Variants in CADM4 observed in about 807,000 individuals in gnomAD.
The protein encoded by CADM4 is cell adhesion molecule 4.
Under a neutral mutation model 43.9 loss-of-function variants are expected in CADM4, and 13 were observed. The ratio of observed to expected loss-of-function variants is 0.30; its 90% CI spans 0.19 to 0.47. The LOEUF (loss-of-function observed/expected upper bound fraction) is 0.47. Among genes scored for constraint, CADM4 ranks in the 20% least tolerant of loss-of-function variants. The pLI, the probability that CADM4 is intolerant of heterozygous loss-of-function variation, is 1.00. For missense variants in CADM4, 420 were observed against 527.0 expected (o/e 0.80, Z 1.99); for synonymous variants, 209 against 220.9 (o/e 0.95, Z 0.48).
In CADM4 at chr19:43,626,715, C is replaced by G; in HGVS notation, c.499+69G>C. The G allele has an allele frequency of 6.7e-7, 1 of 1,486,666 alleles. No homozygotes were observed. Among genetic ancestry groups the G allele is most frequent in the Non-Finnish European group, 9.0e-7 (1 of 1,115,096 alleles). 92.1% of individuals were successfully genotyped at this position (1,486,666 alleles called of 1,614,324 possible). Reference sequence around the variant, plus strand: ...GTCTGTGAAAACCTGTGGCTCCTCTCCACATATAAACAACCTCTCCTAAGT... The same window carrying G: ...GTCTGTGAAAACCTGTGGCTCCTCTGCACATATAAACAACCTCTCCTAAGT... On this transcript the variant is annotated intron_variant, in intron 4 of 8. Transcript: ENST00000222374. The surrounding 1 kb of genome is among the most constrained non-coding windows in gnomAD (Gnocchi z 5.9).
intron 1 of CADM4, among the ~76,000 whole-genome samples, chr19:43,629,257 TCTAA>T (rs1450565918): frequency 6.6e-6 from 1 of 152,142 alleles, no homozygotes; most frequent in Non-Finnish European, 1.5e-5. Context: ...AACCTGGGTC[TCTAA>T]CTGACTGTCC....
In CADM4 at chr19:43,624,107, C is replaced by A; in HGVS notation, c.1057+7G>T. Reference sequence around the variant, plus strand: ...CAACCGTAGAGTCCAGGCCCCGTCCCACTCACCCTTCTGCCGTACCGAGCA... The same window carrying A: ...CAACCGTAGAGTCCAGGCCCCGTCCAACTCACCCTTCTGCCGTACCGAGCA... On this transcript the variant is annotated splice_region_variant and intron_variant, in intron 8 of 8. Coordinates refer to ENST00000222374, the MANE Select transcript of CADM4 (RefSeq NM_145296.2). 6.2e-7 allele frequency: 1 copy of A among 1,614,182 alleles called. No individual in the cohort carries two copies. The highest frequency in any genetic ancestry group is 8.5e-7 in the Non-Finnish European group (1 of 1,180,012).
At position 43,624,141 on chromosome 19, in the gene CADM4, T is replaced by C. The variant is rs182402961; in HGVS notation, c.1030A>G (p.Met344Val). 12 of 1,614,130 alleles carry C rather than the reference T, an allele frequency of 7.4e-6. No individual in the cohort carries two copies. The Admixed American group carries it at 1.7e-4, about 22-fold the overall frequency. The change falls in exon 8 of 9, where the codon ATG becomes GTG. Residue 344 changes from methionine to valine, a missense_variant. Transcript: ENST00000222374. ...VFLIICVLVG[M>V]VWCSVRQKGS... ...TTCTGCCGTACCGAGCACCAGACCA[T>C]GCCCACTAGCACACATATGATCAGA...
In CADM4 at chr19:43,625,105, T is replaced by A; in HGVS notation, c.901A>T (p.Arg301Trp). 1 of 1,410,228 alleles carries A rather than the reference T, an allele frequency of 7.1e-7. No homozygotes were observed. Among genetic ancestry groups the A allele is most frequent in the East Asian group, 3.7e-5 (1 of 27,146 alleles). 87.4% of individuals were successfully genotyped at this position (1,410,228 alleles called of 1,614,324 possible). Residue 301 changes from arginine (R) to tryptophan (W), a missense_variant, in exon 7 of 9, where the codon AGG becomes TGG. Transcript: ENST00000222374. The surrounding 1 kb of genome is among the most constrained non-coding windows in gnomAD (Gnocchi z 4.5). ...CEASNKHGHA[R>W]ALYVLVVYDP... Reference sequence around the variant, plus strand: ...TAGACCACAAGTACGTAGAGCGCCCTCGCATGGCCGTGCTTATTGGACGCC... The same window carrying A: ...TAGACCACAAGTACGTAGAGCGCCCACGCATGGCCGTGCTTATTGGACGCC...
At chr19:43,628,494 T>C (rs1260888780) in intron 1 of CADM4, among the ~76,000 whole-genome samples, 1 of 152,056 alleles carries the variant, frequency 6.6e-6, no homozygotes, top group Non-Finnish European at 1.5e-5. Flanking sequence ...GGGAGACTGC[T>C]GTGTGTTCAC....
intron 1 of CADM4, among the ~76,000 whole-genome samples, chr19:43,636,465 C>T (rs1308142235): frequency 6.6e-6 from 1 of 152,154 alleles, no homozygotes; most frequent in Non-Finnish European, 1.5e-5. Flanking sequence ...TGCCCCTTGC[C>T]CCACTGGGTG....
chr19:43,631,440 T>A (rs2146149303), intron 1 of CADM4, among the ~76,000 whole-genome samples: 1 of 152,232 alleles, frequency 6.6e-6, no homozygotes, highest in Middle Eastern at 3.4e-3. Context: ...GAAAAGATTA[T>A]TTCTGGGGGA....
At chr19:43,638,061 C>T (rs1453814208) in intron 1 of CADM4, among the ~76,000 whole-genome samples, 2 of 152,166 alleles carry the variant, frequency 1.3e-5, no homozygotes, top group Non-Finnish European at 2.9e-5. Flanking sequence ...AAGTTCTCAT[C>T]TGGGAAATTG....
In CADM4 at chr19:43,622,408, A is replaced by T. The variant is rs565413937; in HGVS notation, c.*922T>A. On this transcript the variant is annotated 3_prime_UTR_variant, in exon 9 of 9. Coordinates refer to ENST00000222374, the MANE Select transcript of CADM4 (RefSeq NM_145296.2). ...TTTAATGGTGGTTAGTGAGATTGCCAAACCCCCTCCCCATTCCCCTCCCCA... is the reference window on the plus strand; with the variant it reads ...TTTAATGGTGGTTAGTGAGATTGCCTAACCCCCTCCCCATTCCCCTCCCCA... 3 of 152,276 alleles carry T rather than the reference A, an allele frequency of 2.0e-5. No homozygotes were observed. The East Asian group carries it at 5.8e-4, about 29-fold the overall frequency. 9.4% of individuals were successfully genotyped at this position (152,276 alleles called of 1,614,324 possible). A position where few individuals can be genotyped will look rare whatever the true frequency, so the allele number is the denominator to read the frequency against.
At position 43,626,798 on chromosome 19, in the gene CADM4, C is replaced by G; in HGVS notation, c.485G>C (p.Arg162Pro). 1 of 1,596,168 alleles carries G rather than the reference C, an allele frequency of 6.3e-7. No homozygotes were observed. Among genetic ancestry groups the G allele is most frequent in the Non-Finnish European group, 8.6e-7 (1 of 1,169,302 alleles). Reference sequence around the variant, plus strand: ...GCCCAGGGTACCTTTCAGCTCCTTGCGGTCCCGGTACCAGCGCAGGGTGGC... The same window carrying G: ...GCCCAGGGTACCTTTCAGCTCCTTGGGGTCCCGGTACCAGCGCAGGGTGGC... ...PAATLRWYRDRKELKGVSSSQ... is the reference protein window; with the variant it reads ...PAATLRWYRDPKELKGVSSSQ... The change falls in exon 4 of 9, where the codon CGC (arginine) becomes CCC (proline). Residue 162 changes from arginine (R) to proline (P), a missense_variant. By Grantham distance (103) the Arg-to-Pro change is moderately radical. Coordinates refer to ENST00000222374, the MANE Select transcript of CADM4 (RefSeq NM_145296.2). This position sits in a 1 kb window ranked among gnomAD's most constrained non-coding sequence, Gnocchi z 5.9.
At chr19:43,639,353 G>C (rs1340750428) in intron 1 of CADM4, among the ~76,000 whole-genome samples, 8 of 151,236 alleles carry the variant, frequency 5.3e-5, no homozygotes, top group Admixed American at 5.3e-4. Flanking sequence ...TAGAGGACAA[G>C]GGTAGGGGGA....
chr19:43,627,551 A>G lies in CADM4; in HGVS notation c.211+93T>C. On this transcript the variant is annotated intron_variant, in intron 2 of 8. Transcript: ENST00000222374. This position sits in a 1 kb window ranked among gnomAD's most constrained non-coding sequence, Gnocchi z 4.0. ...TTTCTTCTCCGAGACCCAGGAGACC[A>G]AACTCTCAGGTGTGTCCTCTTTCAG... The G allele has an allele frequency of 6.9e-7, 1 of 1,438,870 alleles. No individual in the cohort carries two copies. Among genetic ancestry groups the G allele is most frequent in the Non-Finnish European group, 9.4e-7 (1 of 1,065,568 alleles). 89.1% of individuals were successfully genotyped at this position (1,438,870 alleles called of 1,614,324 possible).
chr19:43,638,473 C>G (rs1038573612), intron 1 of CADM4, among the ~76,000 whole-genome samples: 5 of 152,264 alleles, frequency 3.3e-5, no homozygotes, highest in Non-Finnish European at 7.3e-5. Flanking sequence ...CCTGCTTCTG[C>G]CTAGCCACCT....
chr19:43,641,835 T>G (rs1973773750), upstream of CADM4, among the ~76,000 whole-genome samples: 1 of 152,234 alleles, frequency 6.6e-6, no homozygotes, highest in Non-Finnish European at 1.5e-5. Flanking sequence ...TTTGGAATAC[T>G]GGTCCAAGGG....
chr19:43,636,987 A>G (rs780001798), intron 1 of CADM4, among the ~76,000 whole-genome samples: 1 of 151,990 alleles, frequency 6.6e-6, no homozygotes, highest in African/African-American at 2.4e-5. Flanking sequence ...TAGCCTCTCT[A>G]TTCTTTCTTT....
In CADM4 at chr19:43,627,053, G is replaced by T; in HGVS notation, c.364+113C>A. ...AGGGGTCAAAGGGGAGAGGTCAGGAGCCAGATGCCCATCCAGGATGTTAAA... is the reference window on the plus strand; with the variant it reads ...AGGGGTCAAAGGGGAGAGGTCAGGATCCAGATGCCCATCCAGGATGTTAAA... On this transcript the variant is annotated intron_variant, in intron 3 of 8. Coordinates refer to ENST00000222374, the MANE Select transcript of CADM4 (RefSeq NM_145296.2). The surrounding 1 kb of genome is among the most constrained non-coding windows in gnomAD (Gnocchi z 4.0). 6.8e-7 allele frequency: 1 copy of T among 1,481,346 alleles called. No individual in the cohort carries two copies. Among genetic ancestry groups the T allele is most frequent in the South Asian group, 1.3e-5 (1 of 74,090 alleles). 91.8% of individuals were successfully genotyped at this position (1,481,346 alleles called of 1,614,324 possible). A position where few individuals can be genotyped will look rare whatever the true frequency, so the allele number is the denominator to read the frequency against.
At chr19:43,628,654 G>A (rs1973570265) in intron 1 of CADM4, among the ~76,000 whole-genome samples, 1 of 152,196 alleles carries the variant, frequency 6.6e-6, no homozygotes, top group African/African-American at 2.4e-5. Flanking sequence ...GTCTGGGTAA[G>A]CCTTGAGAGT....
chr19:43,623,361 C>T lies in CADM4; in HGVS notation c.1136G>A (p.Gly379Glu). ...GAAGAATTCCTCTTTCCTCTTGTGT[C>T]CGTCGCTGCCATTGAGGAAGGCTTC... is the stretch of plus-strand genomic sequence containing the variant. ...AREAFLNGSD[G>E]HKRKEEFFI The change falls in exon 9 of 9, where the codon GGA becomes GAA. Residue 379 changes from glycine (G) to glutamate (E), a missense_variant. Physicochemically the swap from Gly to Glu is moderately conservative, Grantham distance 98. Transcript: ENST00000222374. The surrounding 1 kb of genome is among the most constrained non-coding windows in gnomAD (Gnocchi z 4.4). 1 of 1,614,130 alleles carries T rather than the reference C, an allele frequency of 6.2e-7. No homozygotes were observed. The highest frequency in any genetic ancestry group is 1.7e-5 in the Admixed American group (1 of 60,026).
At chr19:43,634,624 C>A (rs1973675540) in intron 1 of CADM4, among the ~76,000 whole-genome samples, 1 of 151,812 alleles carries the variant, frequency 6.6e-6, no homozygotes, top group Non-Finnish European at 1.5e-5. Context: ...GGGGGCGGGA[C>A]TTTCTGGTCA....
Sources: gnomAD v4.1 joint callset for allele counts (sites outside exome capture counted in the v4.1 genomes callset) on GRCh38, gnomAD v4.1.1 for gene constraint, Gnocchi (gnomAD v3.1) non-coding constraint, MANE v1.5 for transcripts, NCBI Gene and HGNC (gene_info 2026-07-23, HGNC 2026-07-21) for gene names.